The following TPD52L1 variants were observed in gnomAD, a reference collection of about 807,000 sequenced individuals.
TPD52L1 encodes TPD52 like 1.
In TPD52L1, 18 loss-of-function variants were observed where a neutral mutation model predicts 28.7. That is an observed-to-expected ratio of 0.63 (90% CI 0.43 to 0.93). The LOEUF is 0.93. Ranked by LOEUF, TPD52L1 falls within the 40% of genes least tolerant of loss-of-function variation. The pLI is 0.00. For missense variants in TPD52L1, 203 were observed against 254.8 expected, an observed-to-expected ratio of 0.80 and a Z score of 1.39; for synonymous variants, 75 against 88.8, an observed-to-expected ratio of 0.84 and a Z score of 0.88.
intron 1 of TPD52L1, among the ~76,000 whole-genome samples, chr6:125,204,755 A>C (rs1794009864): frequency 6.6e-6 from 1 of 152,224 alleles, no homozygotes; most frequent in Admixed American, 6.5e-5. Flanking sequence ...CTGGAATTAC[A>C]GGCGTGAGCC....
intron 1 of TPD52L1, among the ~76,000 whole-genome samples, chr6:125,195,570 G>A (rs1396821267): frequency 1.3e-5 from 2 of 152,104 alleles, no homozygotes; most frequent in East Asian, 3.8e-4. Flanking sequence ...TATGGAAAAG[G>A]CACTTACGTG....
At chr6:125,220,022 A>G in intron 1 of TPD52L1, 56 bp from the exon 2 acceptor site, 1 of 1,236,818 alleles carries the variant, frequency 8.1e-7, no homozygotes, top group Non-Finnish European at 1.2e-6. Flanking sequence ...TGGAAGCAGA[A>G]GTTGGTTTAA....
At chr6:125,193,050 A>T (rs976912172) in intron 1 of TPD52L1, among the ~76,000 whole-genome samples, 9 of 152,194 alleles carry the variant, frequency 5.9e-5, no homozygotes, top group Non-Finnish European at 2.9e-5. Flanking sequence ...GCTATTTGAG[A>T]TAGTTACTAT....
At chr6:125,226,449 A>G (rs1159076630) in intron 2 of TPD52L1, among the ~76,000 whole-genome samples, 2 of 152,060 alleles carry the variant, frequency 1.3e-5, no homozygotes, top group African/African-American at 4.8e-5. Context: ...GCAGCTCTGA[A>G]TCCTTTCCTC....
chr6:125,223,084 A>T (rs1354759510), intron 2 of TPD52L1, among the ~76,000 whole-genome samples: 1 of 152,154 alleles, frequency 6.6e-6, no homozygotes, highest in Non-Finnish European at 1.5e-5. Flanking sequence ...TTAGCTTTTC[A>T]CTTGAATTAA....
Position 125,204,501 on chromosome 6 carries a change from A to G in TPD52L1, c.20-15577A>G, listed in dbSNP as rs922140275. Reference sequence around the variant, plus strand: ...ATTTTTTATTTTTATTTTTTTTTCGACGGAGTCTCACTCTGTCGCCCAGGC... The same window carrying G: ...ATTTTTTATTTTTATTTTTTTTTCGGCGGAGTCTCACTCTGTCGCCCAGGC... On this transcript the variant is annotated intron_variant, in intron 1 of 6. Coordinates refer to ENST00000534000, the MANE Select transcript of TPD52L1 (RefSeq NM_003287.4). Among the ~76,000 whole-genome samples the G allele has an allele frequency of 5.4e-4, 81 of 150,864 alleles. 2 individuals carry two copies. Among genetic ancestry groups the G allele is most frequent in the South Asian group, 2.1e-4 (1 of 4,770 alleles).
chr6:125,215,176 T>C (rs1391436498), intron 1 of TPD52L1, among the ~76,000 whole-genome samples: 1 of 152,248 alleles, frequency 6.6e-6, no homozygotes, highest in East Asian at 1.9e-4. Context: ...GGTAATTTTA[T>C]ACTTATTTTA....
At chr6:125,175,043 T>C (rs1791734573) in intron 1 of TPD52L1, among the ~76,000 whole-genome samples, 1 of 152,188 alleles carries the variant, frequency 6.6e-6, no homozygotes, top group Non-Finnish European at 1.5e-5. Flanking sequence ...ATCCTATCAT[T>C]ATCTATCACC....
intron 1 of TPD52L1, among the ~76,000 whole-genome samples, chr6:125,200,395 GT>G (rs1390522494): frequency 2.6e-5 from 4 of 152,136 alleles, no homozygotes; most frequent in African/African-American, 7.2e-5. Flanking sequence ...GATATACATG[GT>G]TTTTTGAATA....
chr6:125,260,982 A>C (rs1454995405), intron 6 of TPD52L1: 1 of 44,762 alleles, frequency 2.2e-5, no homozygotes, highest in African/African-American at 1.9e-4. Flanking sequence ...GAAAGAAAAG[A>C]AAAGAAAGAA....
At chr6:125,232,990 GA>G (rs1332931342) in intron 3 of TPD52L1, among the ~76,000 whole-genome samples, 1 of 152,142 alleles carries the variant, frequency 6.6e-6, no homozygotes, top group African/African-American at 2.4e-5. Context: ...TAAAGGAGGA[GA>G]AATTGAATCT....
intron 4 of TPD52L1, chr6:125,253,286 A>G (rs1797389340): frequency 5.7e-6 from 1 of 175,464 alleles, no homozygotes; most frequent in Non-Finnish European, 1.2e-5. Flanking sequence ...TCCTCTGGCC[A>G]GTTTCTCTAC....
intron 1 of TPD52L1, among the ~76,000 whole-genome samples, chr6:125,155,974 A>G (rs1349120902): frequency 1.3e-5 from 2 of 152,170 alleles, no homozygotes; most frequent in Non-Finnish European, 1.5e-5. Flanking sequence ...AAAAAGTAGC[A>G]AAGTGGATGC....
intron 1 of TPD52L1, among the ~76,000 whole-genome samples, chr6:125,166,891 C>G (rs1237369326): frequency 6.6e-6 from 1 of 152,028 alleles, no homozygotes; most frequent in Non-Finnish European, 1.5e-5. Flanking sequence ...TTTGTGACAG[C>G]TGAGTTCTTT....
intron 1 of TPD52L1, among the ~76,000 whole-genome samples, chr6:125,171,720 G>A (rs958999613): frequency 6.6e-6 from 1 of 152,318 alleles, no homozygotes; most frequent in African/African-American, 2.4e-5. Context: ...GCCTCTAGAT[G>A]AGAGTGCAGT....
At chr6:125,210,893 G>A (rs1482452948) in intron 1 of TPD52L1, among the ~76,000 whole-genome samples, 2 of 152,166 alleles carry the variant, frequency 1.3e-5, no homozygotes, top group Admixed American at 6.5e-5. Flanking sequence ...AGTTGAAAAG[G>A]GGTGGAGCTG....
chr6:125,219,008 C>T (rs1795057521), intron 1 of TPD52L1, among the ~76,000 whole-genome samples: 1 of 152,220 alleles, frequency 6.6e-6, no homozygotes, highest in South Asian at 2.1e-4. Flanking sequence ...GGACAGACTC[C>T]TACCCCCTAA....
intron 1 of TPD52L1, among the ~76,000 whole-genome samples, chr6:125,156,117 A>G (rs1022529626): frequency 6.6e-6 from 1 of 152,130 alleles, no homozygotes; most frequent in Non-Finnish European, 1.5e-5. Context: ...CTTTAGGTGT[A>G]AAGAGGACTA....
chr6:125,192,888 T>A (rs976472784), intron 1 of TPD52L1, among the ~76,000 whole-genome samples: 18 of 152,364 alleles, frequency 1.2e-4, no homozygotes, highest in African/African-American at 4.1e-4. Flanking sequence ...TCTTGGAAGC[T>A]TTGATTAGCA....
Sources: gnomAD v4.1 joint callset for allele counts (sites outside exome capture counted in the v4.1 genomes callset) on GRCh38, gnomAD v4.1.1 for gene constraint, MANE v1.5 for transcripts, NCBI Gene and HGNC (gene_info 2026-07-23, HGNC 2026-07-21) for gene names.